The following EEIG1 variants were observed in gnomAD, a reference collection of about 807,000 sequenced individuals.
EEIG1 encodes estrogen-induced osteoclastogenesis regulator 1.
the EEIG1 span, among the ~76,000 whole-genome samples, chr9:127,980,807 A>T: frequency 6.7e-6 from 1 of 149,436 alleles, no homozygotes; most frequent in Non-Finnish European, 1.5e-5. Context: ...GGCCCCGGGC[A>T]GCGGAGGCGC....
the EEIG1 span, among the ~76,000 whole-genome samples, chr9:127,969,272 AG>A: frequency 6.6e-6 from 1 of 152,206 alleles, no homozygotes; most frequent in Non-Finnish European, 1.5e-5. Context: ...GGGCCCAGGC[AG>A]GGACGGTTGT....
chr9:127,965,183 C>T, the EEIG1 span, among the ~76,000 whole-genome samples: 1 of 142,988 alleles, frequency 7.0e-6, no homozygotes, highest in Admixed American at 7.0e-5. Context: ...TCATGACAAA[C>T]GAAGATTCCC....
chr9:127,951,803 AGAC>A, the EEIG1 span, among the ~76,000 whole-genome samples: 1 of 136,784 alleles, frequency 7.3e-6, no homozygotes, highest in Non-Finnish European at 1.6e-5. Flanking sequence ...GGCGACAGCG[AGAC>A]TCCATCTCAA....
the EEIG1 span, among the ~76,000 whole-genome samples, chr9:127,977,631 G>A: frequency 5.9e-5 from 9 of 152,190 alleles, no homozygotes; most frequent in African/African-American, 1.9e-4. Context: ...TAACTGCTGC[G>A]GCAGTGTGCC....
At chr9:127,980,214 C>A in the EEIG1 span, 7 of 1,450,534 alleles carry the variant, frequency 4.8e-6, no homozygotes, top group East Asian at 9.4e-5. Flanking sequence ...CTACACCACA[C>A]CCCCTCCTCA....
the EEIG1 span, among the ~76,000 whole-genome samples, chr9:127,968,371 C>T: frequency 6.6e-6 from 1 of 152,150 alleles, no homozygotes; most frequent in Non-Finnish European, 1.5e-5. Flanking sequence ...CCCCTACACA[C>T]TGCAAGTTTC....
At chr9:127,976,929 AAACAATGGG>A in the EEIG1 span, among the ~76,000 whole-genome samples, 1 of 152,028 alleles carries the variant, frequency 6.6e-6, no homozygotes. The surrounding 1 kb of genome is among the most constrained non-coding windows in gnomAD (Gnocchi z 4.1). Context: ...TCCAACCTGG[AAACAATGGG>A]GCCTTTGCTG....
the EEIG1 span, chr9:127,943,210 A>T: frequency 6.2e-7 from 1 of 1,614,154 alleles, no homozygotes; most frequent in Non-Finnish European, 8.5e-7. Context: ...TTTCAATCAC[A>T]ACTGGCTCGT....
the EEIG1 span, chr9:127,948,032 C>A: frequency 6.3e-7 from 1 of 1,584,530 alleles, no homozygotes; most frequent in Non-Finnish European, 8.6e-7. Context: ...ACCCCTCGGG[C>A]CGCTAGCAGG....
At chr9:127,980,798 G>T in the EEIG1 span, among the ~76,000 whole-genome samples, 4 of 149,710 alleles carry the variant, frequency 2.7e-5, no homozygotes, top group African/African-American at 9.7e-5. Context: ...CACCGGGCCG[G>T]CCCCGGGCAG....
chr9:127,949,886 C>T, the EEIG1 span, among the ~76,000 whole-genome samples: 2 of 152,222 alleles, frequency 1.3e-5, no homozygotes, highest in Non-Finnish European at 2.9e-5. Flanking sequence ...CCACTGGAAA[C>T]CTGCCCCCGG....
At chr9:127,945,440 C>T in the EEIG1 span, 1 of 1,565,512 alleles carries the variant, frequency 6.4e-7, no homozygotes, top group African/African-American at 1.3e-5. The surrounding 1 kb of genome is among the most constrained non-coding windows in gnomAD (Gnocchi z 6.5). Flanking sequence ...TGCTCCCGCT[C>T]ACTGCCCTCA....
chr9:127,943,119 A>G, the EEIG1 span: 22 of 1,440,302 alleles, frequency 1.5e-5, no homozygotes, highest in East Asian at 4.5e-5. Context: ...TGAAGGGGAA[A>G]GTTCCTCATG....
At chr9:127,953,029 C>CT in the EEIG1 span, among the ~76,000 whole-genome samples, 1 of 152,088 alleles carries the variant, frequency 6.6e-6, no homozygotes, top group African/African-American at 2.4e-5. Context: ...ACTCGGGAGG[C>CT]TGAGGGAGGA....
the EEIG1 span, among the ~76,000 whole-genome samples, chr9:127,973,279 T>C: frequency 6.6e-6 from 1 of 152,096 alleles, no homozygotes; most frequent in African/African-American, 2.4e-5. The surrounding 1 kb of genome is among the most constrained non-coding windows in gnomAD (Gnocchi z 4.2). Flanking sequence ...AAGGTGCAAG[T>C]AGGGCCTCCC....
chr9:127,951,911 G>A, the EEIG1 span, among the ~76,000 whole-genome samples: 1 of 152,080 alleles, frequency 6.6e-6, no homozygotes, highest in Non-Finnish European at 1.5e-5. Context: ...AGACAGGACT[G>A]AAACTAGGCC....
At chr9:127,965,186 A>C in the EEIG1 span, among the ~76,000 whole-genome samples, 2 of 150,368 alleles carry the variant, frequency 1.3e-5, no homozygotes, top group African/African-American at 4.9e-5. Flanking sequence ...TGACAAACGA[A>C]GATTCCCAGT....
chr9:127,954,872 C>T, the EEIG1 span, among the ~76,000 whole-genome samples: 1 of 152,214 alleles, frequency 6.6e-6, no homozygotes, highest in East Asian at 1.9e-4. Context: ...AATTCAGCAC[C>T]CCTCTACTGG....
chr9:127,950,159 C>T, the EEIG1 span, among the ~76,000 whole-genome samples: 2 of 152,222 alleles, frequency 1.3e-5, no homozygotes, highest in African/African-American at 2.4e-5. Context: ...ATCAGCATGA[C>T]GTGAACCCAC....
Sources: gnomAD v4.1 joint callset for allele counts (sites outside exome capture counted in the v4.1 genomes callset) on GRCh38, gnomAD v4.1.1 for gene constraint, Gnocchi (gnomAD v3.1) non-coding constraint, MANE v1.5 for transcripts, NCBI Gene and HGNC (gene_info 2026-07-23, HGNC 2026-07-21) for gene names.